FAM78B: variants seen among roughly 807,000 people sequenced by gnomAD.
The protein encoded by FAM78B is family with sequence similarity 78 member B, also known as protein FAM78B.
FAM78B carries 10 observed loss-of-function variants against 20.0 expected under a neutral mutation model. The ratio of observed to expected loss-of-function variants is 0.50; its 90% CI spans 0.31 to 0.85. The LOEUF (loss-of-function observed/expected upper bound fraction) is 0.85. Among genes scored for constraint, FAM78B ranks in the 40% least tolerant of loss-of-function variants. FAM78B has a pLI of 0.05. For synonymous variants in FAM78B, 135 were observed against 132.8 expected (o/e 1.02, Z -0.12); for missense variants, 283 against 345.0 (o/e 0.82, Z 1.42).
At chr1:166,150,044 C>T (rs1274332653) in intron 1 of FAM78B, among the ~76,000 whole-genome samples, 2 of 152,150 alleles carry the variant, frequency 1.3e-5, no homozygotes, top group East Asian at 3.9e-4. Context: ...TGCAGAGAAA[C>T]CTGGAGCTAG....
rs989896985 is a variant in FAM78B, at chr1:166,166,970, G to T, written c.-722C>A. ...CCCAACGGCTGGAGCAGCACAGGAC[G>T]TGCTCCGCGGAGGAAACTGGCTGTA... On this transcript the variant is annotated 5_prime_UTR_variant, in exon 1 of 2. Transcript: ENST00000354422. 5 of 151,254 alleles carry T rather than the reference G, an allele frequency of 3.3e-5. No homozygotes were observed. The allele number at this position is 151,254 out of a possible 1,614,324, so 9.4% of individuals were successfully genotyped here. A position where few individuals can be genotyped will look rare whatever the true frequency, so the allele number is the denominator to read the frequency against.
chr1:166,084,205 CCACA>C (rs374157991), intron 1 of FAM78B, among the ~76,000 whole-genome samples: 24 of 121,166 alleles, frequency 2.0e-4, no homozygotes, highest in East Asian at 7.4e-4. Flanking sequence ...GATGTAGAAA[CCACA>C]CACACACACA....
Position 166,166,183 on chromosome 1 carries a change from A to C in FAM78B, c.66T>G (p.Asp22Glu). ...RIRRENIVVYDVCATIDQCPT... is the reference protein window; with the variant it reads ...RIRRENIVVYEVCATIDQCPT... ...GGCACTGGTCGATGGTGGCGCACACATCGTACACCACGATGTTCTCGCGCC... is the reference window on the plus strand; with the variant it reads ...GGCACTGGTCGATGGTGGCGCACACCTCGTACACCACGATGTTCTCGCGCC... The change falls in exon 1 of 2, where the codon GAT becomes GAG. Residue 22 changes from aspartate to glutamate, a missense_variant. Asp to Glu is a conservative substitution (Grantham distance 45). Coordinates refer to ENST00000354422, the MANE Select transcript of FAM78B (RefSeq NM_001017961.5). The C allele has an allele frequency of 6.3e-7, 1 of 1,597,560 alleles. No individual in the cohort carries two copies. The highest frequency in any genetic ancestry group is 1.1e-5 in the South Asian group (1 of 88,786).
exon 3 of FAM78B, chr1:166,058,334 T>C (rs1651430073): frequency 6.6e-6 from 1 of 152,070 alleles, no homozygotes. Context: ...GGCAGGGACA[T>C]TTGGACTGAT....
At chr1:166,111,636 CAA>C (rs1308571315) in intron 1 of FAM78B, among the ~76,000 whole-genome samples, 2 of 152,220 alleles carry the variant, frequency 1.3e-5, no homozygotes, top group African/African-American at 4.8e-5. Flanking sequence ...CTCCCAAGGT[CAA>C]AGTCTACGTC....
intron 1 of FAM78B, among the ~76,000 whole-genome samples, chr1:166,162,147 G>A (rs1331473604): frequency 6.6e-6 from 1 of 152,196 alleles, no homozygotes; most frequent in Non-Finnish European, 1.5e-5. Context: ...AAGTGTCTGA[G>A]GGATTCGGCA....
chr1:166,109,894 A>ATATGTGTG (rs1397051064), intron 1 of FAM78B, among the ~76,000 whole-genome samples: 13 of 57,740 alleles, frequency 2.3e-4, no homozygotes, highest in African/African-American at 1.1e-3. Context: ...ATATATGTAT[A>ATATGTGTG]TATATATATA....
intron 1 of FAM78B, among the ~76,000 whole-genome samples, chr1:166,075,314 A>T (rs545556830): frequency 1.8e-4 from 28 of 152,328 alleles, no homozygotes; most frequent in African/African-American, 5.8e-4. Flanking sequence ...TGTCACATAT[A>T]AGAGATATTA....
chr1:166,078,858 C>A (rs996779183), intron 1 of FAM78B, among the ~76,000 whole-genome samples: 3 of 151,440 alleles, frequency 2.0e-5, no homozygotes, highest in African/African-American at 7.3e-5. Flanking sequence ...GCTTCTAGGG[C>A]AGATTTTGAA....
intron 1 of FAM78B, among the ~76,000 whole-genome samples, chr1:166,071,676 T>G (rs1289144671): frequency 6.6e-6 from 1 of 152,230 alleles, no homozygotes; most frequent in Non-Finnish European, 1.5e-5. Context: ...GATAAATACA[T>G]TTTTATTTCC....
intron 1 of FAM78B, among the ~76,000 whole-genome samples, chr1:166,104,865 A>T (rs1044172699): frequency 6.6e-6 from 1 of 152,234 alleles, no homozygotes; most frequent in African/African-American, 2.4e-5. Context: ...TTTAAAGTTC[A>T]TATGGAACTA....
At chr1:166,161,291 C>T (rs370894798) in intron 1 of FAM78B, among the ~76,000 whole-genome samples, 18 of 152,150 alleles carry the variant, frequency 1.2e-4, no homozygotes, top group African/African-American at 2.7e-4. Flanking sequence ...GGTTTACAGG[C>T]GTGTGCCACC....
chr1:166,103,831 G>A (rs893769419), intron 1 of FAM78B, among the ~76,000 whole-genome samples: 2 of 152,110 alleles, frequency 1.3e-5, no homozygotes, highest in Non-Finnish European at 2.9e-5. Context: ...GAAAAAGAGG[G>A]TATCCTCCTT....
intron 1 of FAM78B, among the ~76,000 whole-genome samples, chr1:166,145,798 A>T (rs1655431062): frequency 6.6e-6 from 1 of 152,198 alleles, no homozygotes; most frequent in Admixed American, 6.5e-5. Flanking sequence ...TAAATTCACA[A>T]CCTGAAGGCC....
rs1414891667 is a variant in FAM78B, at chr1:166,133,092, AAGG to A, written c.263+32891_263+32893del. Among the ~76,000 whole-genome samples, 4 of 152,358 alleles carry A rather than the reference AAGG, an allele frequency of 2.6e-5. 1 individual carries two copies. The highest frequency in any genetic ancestry group is 9.6e-5 in the African/African-American group (4 of 41,594). ...TAAACTGGTAGGATCTTGGCAGGGC[AAGG>A]AGATTGCTGACTCTGAGAATAGCAG... On this transcript the variant is annotated intron_variant, in intron 1 of 1. Transcript: ENST00000354422.
At chr1:166,117,668 G>A (rs974196216) in intron 1 of FAM78B, among the ~76,000 whole-genome samples, 1 of 152,126 alleles carries the variant, frequency 6.6e-6, no homozygotes, top group African/African-American at 2.4e-5. Flanking sequence ...GGGTTTTATA[G>A]GTACATGGAA....
intron 1 of FAM78B, among the ~76,000 whole-genome samples, chr1:166,098,396 C>T (rs1653371955): frequency 6.6e-6 from 1 of 152,056 alleles, no homozygotes; most frequent in Non-Finnish European, 1.5e-5. Context: ...GAAGAAACAC[C>T]TGATTTACCT....
intron 1 of FAM78B, among the ~76,000 whole-genome samples, chr1:166,084,968 T>C (rs1424603402): frequency 6.6e-6 from 1 of 152,244 alleles, no homozygotes; most frequent in African/African-American, 2.4e-5. Context: ...TTCTTATTTT[T>C]TTCCCTTTGT....
chr1:166,111,307 G>A lies in FAM78B; in HGVS notation c.264-40544C>T, dbSNP rs72703927. On this transcript the variant is annotated intron_variant, in intron 1 of 1. Transcript: ENST00000354422. The stretch of plus-strand genomic sequence containing the variant: ...AGGACTGATAGGCAGGGATAGGAAG[G>A]GTAAGGTTATATTGAATTTCATATT... Among the ~76,000 whole-genome samples the A allele has an allele frequency of 5.8e-3, 877 of 152,282 alleles. 4 individuals carry two copies. The highest frequency in any genetic ancestry group is 7.4e-3 in the Non-Finnish European group (501 of 68,028).
Sources: gnomAD v4.1 joint callset for allele counts (sites outside exome capture counted in the v4.1 genomes callset) on GRCh38, gnomAD v4.1.1 for gene constraint, MANE v1.5 for transcripts, NCBI Gene and HGNC (gene_info 2026-07-23, HGNC 2026-07-21) for gene names.